POU2F1: variants seen among roughly 807,000 people sequenced by gnomAD.
The protein encoded by POU2F1 is POU domain, class 2, transcription factor 1.
Under a neutral mutation model 84.9 loss-of-function variants are expected in POU2F1, and 16 were observed. The ratio of observed to expected loss-of-function variants is 0.19; its 90% CI spans 0.13 to 0.29. POU2F1 has a LOEUF of 0.29. Ranked by LOEUF, POU2F1 falls within the 10% of genes least tolerant of loss-of-function variation. The pLI, the probability that POU2F1 is intolerant of heterozygous loss-of-function variation, is 1.00. For missense variants in POU2F1, 738 were observed against 942.6 expected (o/e 0.78, Z 2.84); for synonymous variants, 368 against 368.3 (o/e 1.00, Z 0.01).
intron 13 of POU2F1, among the ~76,000 whole-genome samples, chr1:167,410,458 G>A (rs1649874786): frequency 1.3e-5 from 2 of 152,102 alleles, no homozygotes; most frequent in Admixed American, 1.3e-4. Context: ...AGATTGTTAT[G>A]AAAGAAGAGC....
At chr1:167,248,872 A>G (rs1411877610) in intron 1 of POU2F1, among the ~76,000 whole-genome samples, 1 of 152,200 alleles carries the variant, frequency 6.6e-6, no homozygotes, top group Non-Finnish European at 1.5e-5. Context: ...TGTAGGTATT[A>G]TAATTATCCC....
intron 1 of POU2F1, among the ~76,000 whole-genome samples, chr1:167,299,903 C>A (rs1160223516): frequency 1.3e-5 from 2 of 151,814 alleles, no homozygotes; most frequent in Non-Finnish European, 1.5e-5. Flanking sequence ...AGGTAGGGGC[C>A]AAAAAAGTGC....
chr1:167,378,123 A>G (rs1437942947), intron 7 of POU2F1, among the ~76,000 whole-genome samples: 1 of 152,242 alleles, frequency 6.6e-6, no homozygotes, highest in Non-Finnish European at 1.5e-5. Context: ...AAATCGCCAA[A>G]CTGCTTTCCG....
chr1:167,353,186 C>G (rs1008770660), intron 2 of POU2F1, among the ~76,000 whole-genome samples: 1 of 152,218 alleles, frequency 6.6e-6, no homozygotes, highest in Non-Finnish European at 1.5e-5. Context: ...TTCCCTGTCA[C>G]ATTTTTCATT....
intron 1 of POU2F1, among the ~76,000 whole-genome samples, chr1:167,279,101 T>C (rs1652940352): frequency 6.6e-6 from 1 of 152,220 alleles, no homozygotes; most frequent in African/African-American, 2.4e-5. Flanking sequence ...TGGTACACAG[T>C]GCTTACAGCA....
At chr1:167,286,898 A>T (rs747677808) in intron 1 of POU2F1, among the ~76,000 whole-genome samples, 1 of 152,202 alleles carries the variant, frequency 6.6e-6, no homozygotes, top group Non-Finnish European at 1.5e-5. Context: ...TGCAAGCTCA[A>T]GGATGTGAAG....
chr1:167,353,634 A>C (rs1489762015), intron 2 of POU2F1, among the ~76,000 whole-genome samples: 1 of 151,862 alleles, frequency 6.6e-6, no homozygotes, highest in East Asian at 1.9e-4. Flanking sequence ...ATCACTCACC[A>C]CCTTGGCTTC....
At chr1:167,236,397 G>A (rs1049830353) in intron 1 of POU2F1, among the ~76,000 whole-genome samples, 7 of 151,886 alleles carry the variant, frequency 4.6e-5, no homozygotes, top group Non-Finnish European at 8.8e-5. Flanking sequence ...CACCGCGCCC[G>A]GCCGACATCT....
intron 2 of POU2F1, among the ~76,000 whole-genome samples, chr1:167,335,584 A>T (rs979869675): frequency 2.6e-5 from 4 of 152,202 alleles, no homozygotes; most frequent in Admixed American, 2.6e-4. Flanking sequence ...GGAAGGGAGA[A>T]GCAAAACTGA....
intron 1 of POU2F1, among the ~76,000 whole-genome samples, chr1:167,289,210 A>T (rs1386822055): frequency 1.3e-5 from 2 of 152,214 alleles, no homozygotes; most frequent in African/African-American, 2.4e-5. Flanking sequence ...TGTGGACTTA[A>T]ATCTAATATC....
At chr1:167,268,914 T>G (rs1652170199) in intron 1 of POU2F1, among the ~76,000 whole-genome samples, 1 of 152,224 alleles carries the variant, frequency 6.6e-6, no homozygotes, top group Non-Finnish European at 1.5e-5. Context: ...ATCCTGTATT[T>G]TTAAAGTAAT....
intron 1 of POU2F1, among the ~76,000 whole-genome samples, chr1:167,231,687 C>T (rs559554494): frequency 6.6e-6 from 1 of 152,250 alleles, no homozygotes; most frequent in East Asian, 1.9e-4. Context: ...TTGGGGAAAT[C>T]ATATGTTAAA....
intron 2 of POU2F1, among the ~76,000 whole-genome samples, chr1:167,352,352 G>A (rs1343540251): frequency 6.6e-6 from 1 of 152,174 alleles, no homozygotes; most frequent in Admixed American, 6.5e-5. Flanking sequence ...AGCTAGCTGT[G>A]AGATAGATAG....
In POU2F1 at chr1:167,312,168, C is replaced by T. The variant is rs112314898; in HGVS notation, c.62-20302C>T. 4.5e-3 allele frequency among the ~76,000 whole-genome samples: 678 copies of T among 151,910 alleles called. 9 individuals carry two copies. Among genetic ancestry groups the T allele is most frequent in the African/African-American group, 0.015 (623 of 41,428 alleles). On this transcript the variant is annotated intron_variant, in intron 1 of 15. Coordinates refer to ENST00000367866, the MANE Select transcript of POU2F1 (RefSeq NM_002697.4). ...GGTCAGGCTGGTCTTGAACTCCTCA[C>T]CTTATGATCCACCCCCCTTGGCCTC...
In POU2F1 at chr1:167,416,028, A is replaced by G. The variant is rs1253031810; in HGVS notation, c.*218A>G. 1 of 655,300 alleles carries G rather than the reference A, an allele frequency of 1.5e-6. No individual in the cohort carries two copies. The allele number at this position is 655,300 out of a possible 1,614,324, so 40.6% of individuals were successfully genotyped here. A position where few individuals can be genotyped will look rare whatever the true frequency, so the allele number is the denominator to read the frequency against. On this transcript the variant is annotated 3_prime_UTR_variant, in exon 16 of 16. Coordinates refer to ENST00000367866, the MANE Select transcript of POU2F1 (RefSeq NM_002697.4). ...AGACGGAACATTTGCCTAATTTTGT[A>G]ATAAAACACTGTCTTTTCAGGATTG...
At chr1:167,347,580 G>A (rs551477066) in intron 2 of POU2F1, among the ~76,000 whole-genome samples, 5 of 152,154 alleles carry the variant, frequency 3.3e-5, no homozygotes, top group Non-Finnish European at 7.3e-5. Context: ...GAACAATTCA[G>A]TGGCATTTAG....
At chr1:167,318,261 AG>A (rs752544803) in intron 1 of POU2F1, among the ~76,000 whole-genome samples, 4 of 152,156 alleles carry the variant, frequency 2.6e-5, no homozygotes, top group Admixed American at 2.6e-4. Flanking sequence ...ATATCATTTG[AG>A]GTTGAGGTGC....
Position 167,415,915 on chromosome 1 carries a change from G to T in POU2F1, c.*105G>T. On this transcript the variant is annotated 3_prime_UTR_variant, in exon 16 of 16. Coordinates refer to ENST00000367866, the MANE Select transcript of POU2F1 (RefSeq NM_002697.4). ...AATGTGATTGGCTTCCTCTCGCCGT[G>T]TTGTGAGGGCAAAGGAGAGAAGGGA... 3.6e-5 allele frequency: 27 copies of T among 745,822 alleles called. No homozygotes were observed. Among genetic ancestry groups the T allele is most frequent in the East Asian group, 9.0e-5 (2 of 22,182 alleles). 46.2% of individuals were successfully genotyped at this position (745,822 alleles called of 1,614,324 possible).
intron 13 of POU2F1, among the ~76,000 whole-genome samples, chr1:167,402,830 C>T (rs984752763): frequency 2.6e-5 from 4 of 152,158 alleles, no homozygotes; most frequent in African/African-American, 9.7e-5. Context: ...TCTCTGAGGA[C>T]CTTGTTGTCC....
Sources: allele counts gnomAD v4.1 joint callset (sites outside exome capture counted in the v4.1 genomes callset), GRCh38; gene constraint gnomAD v4.1.1; transcripts MANE v1.5; gene names NCBI Gene and HGNC (gene_info 2026-07-23, HGNC 2026-07-21).